Variants in PPFIA2 observed in about 807,000 individuals in gnomAD.
The protein encoded by PPFIA2 is PPFI scaffold protein A2, also known as liprin-alpha-2.
A neutral mutation model predicts 175.5 loss-of-function variants in PPFIA2; 46 were observed. That is an observed-to-expected ratio of 0.26 (90% CI 0.21 to 0.34). PPFIA2 has a LOEUF of 0.34. Ranked by LOEUF, PPFIA2 falls within the 10% of genes least tolerant of loss-of-function variation. The pLI, the probability that PPFIA2 is intolerant of heterozygous loss-of-function variation, is 1.00. For missense variants in PPFIA2, 1,179 were observed against 1,506.1 expected, an observed-to-expected ratio of 0.78 and a Z score of 3.60; for synonymous variants, 568 against 511.4, an observed-to-expected ratio of 1.11 and a Z score of -1.49.
At chr12:81,442,309 T>C (rs1045073118) in intron 6 of PPFIA2, among the ~76,000 whole-genome samples, 1 of 152,082 alleles carries the variant, frequency 6.6e-6, no homozygotes, top group Admixed American at 6.6e-5. Context: ...ATGCTGTGAA[T>C]ATCAATAATG....
intron 8 of PPFIA2, 118 bp downstream of exon 8, chr12:81,405,669 C>G: frequency 1.6e-6 from 1 of 607,744 alleles, no homozygotes. Context: ...AACCTTGAAC[C>G]TTTGACCAAA....
intron 16 of PPFIA2, among the ~76,000 whole-genome samples, chr12:81,355,189 T>C (rs2060696420): frequency 6.6e-6 from 1 of 152,198 alleles, no homozygotes; most frequent in Non-Finnish European, 1.5e-5. Context: ...AACAATCTCT[T>C]TGAGCATCTC....
intron 4 of PPFIA2, among the ~76,000 whole-genome samples, chr12:81,494,162 C>T (rs1306138434): frequency 1.3e-5 from 2 of 151,794 alleles, no homozygotes; most frequent in Non-Finnish European, 2.9e-5. Context: ...AGGCAACCTA[C>T]AAAATGGGAA....
chr12:81,259,443 AGAT>A lies in PPFIA2; in HGVS notation c.*248_*250del, dbSNP rs1381708643. 4.5e-6 allele frequency: 3 copies of A among 661,596 alleles called. No homozygotes were observed. Among genetic ancestry groups the A allele is most frequent in the Admixed American group, 2.5e-5 (1 of 40,738 alleles). The allele number at this position is 661,596 out of a possible 1,614,324, so 41.0% of individuals were successfully genotyped here. ...ATCTGTTGTACAGAGTTTATGATGT[AGAT>A]GATGTTTATTATTCAAATGACTTAA... On this transcript the variant is annotated 3_prime_UTR_variant, in exon 33 of 33. Transcript: ENST00000549396.
chr12:81,610,238 A>G (rs1195032710), intron 4 of PPFIA2, among the ~76,000 whole-genome samples: 3 of 152,126 alleles, frequency 2.0e-5, no homozygotes, highest in African/African-American at 7.2e-5. Context: ...GGGACGATCA[A>G]CTTATCTAGC....
chr12:81,298,328 C>A (rs571942815), intron 23 of PPFIA2: 2 of 152,294 alleles, frequency 1.3e-5, no homozygotes, highest in African/African-American at 4.8e-5. Flanking sequence ...AGGCATTTTT[C>A]ATTCAGTGCA....
At chr12:81,358,367 A>C (rs2061154793) in intron 15 of PPFIA2, 150 bp from the exon 16 acceptor site, 2 of 766,222 alleles carry the variant, frequency 2.6e-6, no homozygotes, top group Non-Finnish European at 4.1e-6. Flanking sequence ...TGACTCTCTG[A>C]GGCCTCTTTA....
At chr12:81,668,613 CCA>C (rs2070809285) in intron 4 of PPFIA2, among the ~76,000 whole-genome samples, 1 of 152,024 alleles carries the variant, frequency 6.6e-6, no homozygotes, top group Non-Finnish European at 1.5e-5. Context: ...ACACTTCCCT[CCA>C]CAGAGTAAAA....
intron 4 of PPFIA2, among the ~76,000 whole-genome samples, chr12:81,549,350 G>GA (rs1454105722): frequency 6.6e-6 from 1 of 151,858 alleles, no homozygotes; most frequent in Non-Finnish European, 1.5e-5. Context: ...TATATTCTAA[G>GA]AAAAAAATCT....
intron 4 of PPFIA2, among the ~76,000 whole-genome samples, chr12:81,610,350 TTTTC>T (rs1857642827): frequency 6.6e-6 from 1 of 152,326 alleles, no homozygotes; most frequent in African/African-American, 2.4e-5. Flanking sequence ...AAATTGTTTA[TTTTC>T]TTTCTTTCTC....
intron 7 of PPFIA2, among the ~76,000 whole-genome samples, chr12:81,437,583 CTTTG>C (rs759658501): frequency 5.9e-5 from 9 of 152,042 alleles, no homozygotes; most frequent in Non-Finnish European, 1.0e-4. Context: ...CTCATCACAC[CTTTG>C]TTTATGACAA....
chr12:81,472,287 G>A (rs2056858850), intron 4 of PPFIA2, among the ~76,000 whole-genome samples: 1 of 152,080 alleles, frequency 6.6e-6, no homozygotes, highest in African/African-American at 2.4e-5. Context: ...TTGTGATGAG[G>A]ATGCACAATT....
chr12:81,395,471 G>T (rs189738223), intron 8 of PPFIA2, among the ~76,000 whole-genome samples: 1 of 152,010 alleles, frequency 6.6e-6, no homozygotes, highest in Non-Finnish European at 1.5e-5. Context: ...ACTTTGGCTT[G>T]TTGAGCGCTT....
intron 27 of PPFIA2, among the ~76,000 whole-genome samples, chr12:81,278,405 G>T (rs1565876795): frequency 6.6e-6 from 1 of 152,058 alleles, no homozygotes; most frequent in Non-Finnish European, 1.5e-5. Flanking sequence ...GCTGGCTGTG[G>T]TGGCACATGC....
At chr12:81,595,782 T>C (rs534542138) in intron 4 of PPFIA2, among the ~76,000 whole-genome samples, 2 of 152,166 alleles carry the variant, frequency 1.3e-5, no homozygotes, top group Non-Finnish European at 2.9e-5. Flanking sequence ...TAAAATGTGA[T>C]AGCATACCAT....
intron 4 of PPFIA2, among the ~76,000 whole-genome samples, chr12:81,608,899 CTCTT>C (rs774855001): frequency 6.6e-6 from 1 of 151,788 alleles, no homozygotes; most frequent in Non-Finnish European, 1.5e-5. Context: ...CTAATTTGAA[CTCTT>C]TCTAACTTTT....
rs968290129 is a variant in PPFIA2 at position 81,554,724 on chromosome 12, A to T, written c.304-96858T>A. Among the ~76,000 whole-genome samples, 13 of 152,102 alleles carry T rather than the reference A, an allele frequency of 8.5e-5. 1 individual carries two copies. Among genetic ancestry groups the T allele is most frequent in the Admixed American group, 6.6e-4 (10 of 15,236 alleles). The stretch of plus-strand genomic sequence containing the variant: ...GAAGAACAACGATTGTATTCCAATT[A>T]AGGGAACATAATTCTTGATCTTAGA... On this transcript the variant is annotated intron_variant, in intron 4 of 32. Coordinates refer to ENST00000549396, the MANE Select transcript of PPFIA2 (RefSeq NM_003625.5).
At chr12:81,470,986 G>A (rs917421166) in intron 4 of PPFIA2, among the ~76,000 whole-genome samples, 2 of 152,124 alleles carry the variant, frequency 1.3e-5, no homozygotes, top group Admixed American at 6.6e-5. Context: ...TGCCACATAT[G>A]TGAGGAATCA....
In PPFIA2 at chr12:81,384,205, T is replaced by A. The variant is rs2038410126; in HGVS notation, c.802A>T (p.Ser268Cys). Residue 268 changes from serine (S) to cysteine (C), a missense_variant, in exon 9 of 33, where the codon AGT becomes TGT. Physicochemically the swap from Ser to Cys is moderately radical, Grantham distance 112 (BLOSUM62 -1). Around this residue, in one of 10 missense-constraint regions of PPFIA2, gnomAD observed 226 missense variants for 216.6 expected, o/e 1.04. Coordinates refer to ENST00000549396, the MANE Select transcript of PPFIA2 (RefSeq NM_003625.5). The part of the protein sequence containing the change: ...NGSIDSTDET[S>C]QIVELQELLE... ...AATTCTTGTAGTTCAACTATTTGAC[T>A]AGTTTCATCGGTTGAGTCTATAGAA... The A allele has an allele frequency of 6.2e-7, 1 of 1,604,256 alleles. No homozygotes were observed. The highest frequency in any genetic ancestry group is 1.7e-5 in the Admixed American group (1 of 58,406).
Sources: allele counts gnomAD v4.1 joint callset (sites outside exome capture counted in the v4.1 genomes callset), GRCh38; gene constraint gnomAD v4.1.1; regional missense constraint gnomAD v4.1.1; transcripts MANE v1.5; gene names NCBI Gene and HGNC (gene_info 2026-07-23, HGNC 2026-07-21).